AK9: variants seen among roughly 807,000 people sequenced by gnomAD.
AK9 encodes the protein adenylate kinase 9.
In AK9, 191 loss-of-function variants were observed where a neutral mutation model predicts 239.6. That is an observed-to-expected ratio of 0.80 (90% CI 0.71 to 0.90). The LOEUF is 0.90. AK9 is among the 40% of genes least tolerant of loss of function. AK9 has a pLI of 0.00. For missense variants in AK9, 1,995 were observed against 2,214.7 expected (o/e 0.90, Z 1.99); for synonymous variants, 689 against 721.0 (o/e 0.96, Z 0.71).
At chr6:109,632,547 C>A in intron 12 of AK9, 1 of 236,578 alleles carries the variant, frequency 4.2e-6, no homozygotes, top group Admixed American at 6.0e-5. Flanking sequence ...CTGAAATCAC[C>A]AAGAATTAGG....
rs763661698 is a variant in AK9, at chr6:109,550,115, T to A, written c.2939A>T (p.Tyr980Phe). Reference protein sequence around the residue: ...KEKFLEHPEDYVAHEEPLKAP... With the variant: ...KEKFLEHPEDFVAHEEPLKAP... ...CTTCAATGGTTCTTCATGAGCCACATAATCCTCAGGATGCTCCAAAAACTT... is the reference window on the plus strand; with the variant it reads ...CTTCAATGGTTCTTCATGAGCCACAAAATCCTCAGGATGCTCCAAAAACTT... Residue 980 changes from tyrosine (Y) to phenylalanine (F), a missense_variant, in exon 25 of 41, where the codon TAT (tyrosine) becomes TTT (phenylalanine). Tyr to Phe is a conservative substitution (Grantham distance 22). This residue lies in a region of AK9 where 1,290 missense variants were observed against 1,392.7 expected (regional missense o/e 0.93). Coordinates refer to ENST00000424296, the MANE Select transcript of AK9 (RefSeq NM_001145128.3). The A allele has an allele frequency of 6.2e-7, 1 of 1,613,990 alleles. No homozygotes were observed. The highest frequency in any genetic ancestry group is 2.2e-5 in the East Asian group (1 of 44,824).
At chr6:109,614,320 T>G in intron 14 of AK9, 24 bp from the exon 15 acceptor site, 2 of 1,549,624 alleles carry the variant, frequency 1.3e-6, no homozygotes, top group Non-Finnish European at 1.7e-6. Context: ...ATAATATACT[T>G]TATCAGCTAA....
rs775761909 is a variant in AK9, at chr6:109,550,220, A to G, written c.2834T>C (p.Ile945Thr). ...FCPVVLKENF[I>T]LQPGNTEEAA... ...TTCTTCTGTGTTTCCTGGTTGCAGG[A>G]TGAAGTTTTCTTTGAGGACCACCGG... Residue 945 changes from isoleucine (I) to threonine (T), a missense_variant, in exon 25 of 41, where the codon ATC becomes ACC. Ile to Thr is a moderately conservative substitution (Grantham distance 89). Around this residue, in one of 5 missense-constraint regions of AK9, gnomAD observed 1,290 missense variants for 1,392.7 expected, o/e 0.93. Transcript: ENST00000424296. 1 of 1,613,576 alleles carries G rather than the reference A, an allele frequency of 6.2e-7. No individual in the cohort carries two copies. Among genetic ancestry groups the G allele is most frequent in the Non-Finnish European group, 8.5e-7 (1 of 1,179,980 alleles).
At chr6:109,498,745 T>G (rs532020222) in intron 36 of AK9, among the ~76,000 whole-genome samples, 7 of 152,344 alleles carry the variant, frequency 4.6e-5, no homozygotes, top group South Asian at 4.1e-4. Flanking sequence ...GTGGGCTGAG[T>G]CCTTGTTGTT....
chr6:109,580,041 G>T (rs538948889), intron 19 of AK9, among the ~76,000 whole-genome samples: 3 of 152,178 alleles, frequency 2.0e-5, no homozygotes, highest in South Asian at 4.1e-4. Flanking sequence ...TATAAATGAG[G>T]ATTAAAAGTC....
intron 20 of AK9, among the ~76,000 whole-genome samples, chr6:109,577,461 T>C (rs898299267): frequency 2.6e-5 from 4 of 152,030 alleles, no homozygotes; most frequent in Non-Finnish European, 5.9e-5. Context: ...TTTAATGTCC[T>C]TTCTTGGTTT....
chr6:109,496,281 G>A (rs1777028953), intron 38 of AK9, among the ~76,000 whole-genome samples: 2 of 152,148 alleles, frequency 1.3e-5, no homozygotes, highest in South Asian at 2.1e-4. Context: ...TGTGCAGTCC[G>A]GTTTGCACCA....
chr6:109,546,152 G>A, intron 25 of AK9, 25 bp from the exon 26 acceptor site: 1 of 1,508,948 alleles, frequency 6.6e-7, no homozygotes, highest in African/African-American at 1.4e-5. Context: ...GGGTCAGGGA[G>A]GGGTGGGATA....
intron 19 of AK9, among the ~76,000 whole-genome samples, chr6:109,579,917 T>C (rs1788604248): frequency 6.6e-6 from 1 of 152,268 alleles, no homozygotes; most frequent in Admixed American, 6.5e-5. Context: ...TGGAAGGATT[T>C]GTAGCATTTT....
At chr6:109,675,981 G>C (rs911007836) in intron 1 of AK9, among the ~76,000 whole-genome samples, 12 of 152,088 alleles carry the variant, frequency 7.9e-5, no homozygotes, top group Middle Eastern at 3.2e-3. Flanking sequence ...TTGTATAAAA[G>C]AGAGCTCAAA....
chr6:109,686,671 C>A (rs937616494), intron 1 of AK9, among the ~76,000 whole-genome samples: 4 of 152,330 alleles, frequency 2.6e-5, no homozygotes, highest in Admixed American at 1.3e-4. Flanking sequence ...ACAACAGGAG[C>A]CTCTCTCTGT....
chr6:109,628,064 C>A (rs1428719829), intron 12 of AK9, among the ~76,000 whole-genome samples: 1 of 152,152 alleles, frequency 6.6e-6, no homozygotes, highest in Non-Finnish European at 1.5e-5. Context: ...TGGTTGTAGG[C>A]TTGGTAAGGG....
At chr6:109,598,918 G>T (rs1332113607) in intron 17 of AK9, among the ~76,000 whole-genome samples, 1 of 150,346 alleles carries the variant, frequency 6.7e-6, no homozygotes, top group Non-Finnish European at 1.5e-5. Flanking sequence ...TGTTGATGGG[G>T]TTGTTTGTTT....
intron 1 of AK9, among the ~76,000 whole-genome samples, chr6:109,681,993 T>G (rs1772707596): frequency 6.6e-6 from 1 of 152,054 alleles, no homozygotes; most frequent in Non-Finnish European, 1.5e-5. Flanking sequence ...GCAGGAAAGA[T>G]CTAAAATTGA....
chr6:109,522,904 T>C (rs1780018639), intron 29 of AK9, among the ~76,000 whole-genome samples: 1 of 152,142 alleles, frequency 6.6e-6, no homozygotes, highest in Non-Finnish European at 1.5e-5. Flanking sequence ...GCCTGGATCT[T>C]GCCCCAAAAA....
At chr6:109,613,689 GCTATT>G in intron 15 of AK9, among the ~76,000 whole-genome samples, 1 of 151,146 alleles carries the variant, frequency 6.6e-6, no homozygotes, top group Middle Eastern at 3.5e-3. Context: ...CTATATTATA[GCTATT>G]CTATAATATA....
In AK9 at chr6:109,561,190, G is replaced by T. The variant is rs555468176; in HGVS notation, c.2751+2407C>A. 1.1e-3 allele frequency among the ~76,000 whole-genome samples: 174 copies of T among 152,280 alleles called. 2 individuals carry two copies. Among genetic ancestry groups the T allele is most frequent in the Middle Eastern group, 3.4e-3 (1 of 294 alleles). On this transcript the variant is annotated intron_variant, in intron 24 of 40. Coordinates refer to ENST00000424296, the MANE Select transcript of AK9 (RefSeq NM_001145128.3). ...GCTGGTCTTGAACTCCTGACCTCAT[G>T]ATCCGCCTGCCTCGGCTTCCCAAAG...
intron 17 of AK9, among the ~76,000 whole-genome samples, chr6:109,596,062 G>C (rs1790990471): frequency 1.3e-5 from 2 of 151,906 alleles, no homozygotes; most frequent in South Asian, 2.1e-4. Context: ...ATTTCTATTG[G>C]GTATTGCAGT....
At chr6:109,619,035 T>G in intron 13 of AK9, 57 bp downstream of exon 13, 1 of 1,492,332 alleles carries the variant, frequency 6.7e-7, no homozygotes, top group Admixed American at 2.4e-5. Flanking sequence ...TGCTTTCAAG[T>G]AGCCCGGCTT....
Sources: gnomAD v4.1 joint callset for allele counts (sites outside exome capture counted in the v4.1 genomes callset) on GRCh38, gnomAD v4.1.1 for gene constraint, gnomAD v4.1.1 regional missense constraint, MANE v1.5 for transcripts, NCBI Gene and HGNC (gene_info 2026-07-23, HGNC 2026-07-21) for gene names.